The following UNC5C variants were observed in gnomAD, a reference collection of about 807,000 sequenced individuals.
UNC5C encodes unc-5 netrin receptor C.
In UNC5C, 47 loss-of-function variants were observed where a neutral mutation model predicts 99.8. That is an observed-to-expected ratio of 0.47 (90% confidence interval 0.37 to 0.60). UNC5C has a LOEUF of 0.60. UNC5C is among the 20% of genes least tolerant of loss of function. The probability of loss-of-function intolerance (pLI) is 0.00; values close to 1 mark genes in which losing one functional copy is unlikely to be tolerated. For synonymous variants in UNC5C, 487 were observed against 452.2 expected (o/e 1.08, Z -0.98); for missense variants, 1,062 against 1,165.9 (o/e 0.91, Z 1.30).
chr4:95,338,746 C>A (rs1399896103), intron 1 of UNC5C, among the ~76,000 whole-genome samples: 1 of 152,044 alleles, frequency 6.6e-6, no homozygotes. Flanking sequence ...ATACTAATGG[C>A]AACTTTGATC....
At chr4:95,251,353 C>A (rs1180888188) in intron 4 of UNC5C, among the ~76,000 whole-genome samples, 1 of 152,140 alleles carries the variant, frequency 6.6e-6, no homozygotes, top group Non-Finnish European at 1.5e-5. Context: ...ACTCAAATCC[C>A]TCCTTTTGTA....
intron 1 of UNC5C, among the ~76,000 whole-genome samples, chr4:95,512,723 A>G (rs1436029757): frequency 1.3e-5 from 2 of 152,204 alleles, no homozygotes; most frequent in Admixed American, 1.3e-4. Context: ...TAGCTGTGAT[A>G]AATTAGATTT....
At chr4:95,499,677 C>A (rs952291908) in intron 1 of UNC5C, among the ~76,000 whole-genome samples, 1 of 152,058 alleles carries the variant, frequency 6.6e-6, no homozygotes, top group Non-Finnish European at 1.5e-5. Flanking sequence ...GAAACCTAAA[C>A]CCCTTCAGTC....
At chr4:95,454,951 G>A (rs913903601) in intron 1 of UNC5C, among the ~76,000 whole-genome samples, 2 of 151,888 alleles carry the variant, frequency 1.3e-5, no homozygotes, top group African/African-American at 4.8e-5. Flanking sequence ...ACATTAAGAG[G>A]TATATATTTA....
At chr4:95,538,214 G>A (rs548089417) in intron 1 of UNC5C, among the ~76,000 whole-genome samples, 1 of 152,324 alleles carries the variant, frequency 6.6e-6, no homozygotes, top group African/African-American at 2.4e-5. Context: ...TGCATTATAT[G>A]AAAAAATTCC....
chr4:95,169,282 C>T lies in UNC5C; in HGVS notation c.2748G>A (p.Met916Ile). 1.2e-6 allele frequency: 2 copies of T among 1,614,160 alleles called. No homozygotes were observed. The highest frequency in any genetic ancestry group is 1.7e-6 in the Non-Finnish European group (2 of 1,180,036). The change falls in exon 16 of 16, where the codon ATG becomes ATA. Residue 916 changes from methionine (M) to isoleucine (I), a missense_variant. Physicochemically the swap from Met to Ile is conservative, Grantham distance 10 (BLOSUM62 1). Coordinates refer to ENST00000453304, the MANE Select transcript of UNC5C (RefSeq NM_003728.4). ...AGGACACCACCGTTTCATGTCTTCCCATTTCTTCCAAGACAGCTGCCAGCA... is the reference window on the plus strand; with the variant it reads ...AGGACACCACCGTTTCATGTCTTCCTATTTCTTCCAAGACAGCTGCCAGCA... ...LSMLAAVLEE[M>I]GRHETVVSLA...
At chr4:95,399,602 A>G (rs1446168202) in intron 1 of UNC5C, among the ~76,000 whole-genome samples, 6 of 152,174 alleles carry the variant, frequency 3.9e-5, no homozygotes, top group Non-Finnish European at 1.5e-5. Flanking sequence ...TTTCTCCGAA[A>G]GACCTAATTG....
At chr4:95,448,668 C>A (rs1369577086) in intron 1 of UNC5C, among the ~76,000 whole-genome samples, 1 of 152,044 alleles carries the variant, frequency 6.6e-6, no homozygotes, top group African/African-American at 2.4e-5. Context: ...CACGTATGTT[C>A]CTTTAATAAA....
At chr4:95,464,282 T>C (rs1292104039) in intron 1 of UNC5C, among the ~76,000 whole-genome samples, 2 of 152,134 alleles carry the variant, frequency 1.3e-5, no homozygotes, top group East Asian at 3.9e-4. Flanking sequence ...CTGGGAGGAG[T>C]TGGAACAAGA....
intron 1 of UNC5C, among the ~76,000 whole-genome samples, chr4:95,458,478 A>G (rs1271681509): frequency 3.3e-5 from 5 of 151,648 alleles, no homozygotes; most frequent in Non-Finnish European, 5.9e-5. Context: ...TGTCTTTTCC[A>G]TCTCTTTTTT....
intron 1 of UNC5C, among the ~76,000 whole-genome samples, chr4:95,354,635 C>T: frequency 6.6e-6 from 1 of 151,696 alleles, no homozygotes; most frequent in Admixed American, 6.6e-5. Context: ...GCATGCACCA[C>T]TATGCCTGGC....
At chr4:95,466,486 C>A (rs987122823) in intron 1 of UNC5C, among the ~76,000 whole-genome samples, 1 of 152,178 alleles carries the variant, frequency 6.6e-6, no homozygotes, top group South Asian at 2.1e-4. Flanking sequence ...CCCTCAATTC[C>A]ATTTTCCCCT....
intron 2 of UNC5C, among the ~76,000 whole-genome samples, chr4:95,314,749 T>C (rs2149409872): frequency 6.6e-6 from 1 of 152,334 alleles, no homozygotes; most frequent in African/African-American, 2.4e-5. Context: ...GATGTCACTT[T>C]TCTGTGGTTT....
intron 1 of UNC5C, among the ~76,000 whole-genome samples, chr4:95,474,418 G>A (rs538670505): frequency 6.6e-6 from 1 of 152,130 alleles, no homozygotes; most frequent in African/African-American, 2.4e-5. Context: ...AGCCTCCCAA[G>A]TAGCTAGGAT....
chr4:95,196,206 C>G (rs1435231459), intron 12 of UNC5C, among the ~76,000 whole-genome samples: 1 of 152,090 alleles, frequency 6.6e-6, no homozygotes, highest in Admixed American at 6.6e-5. Context: ...TCTATTTATA[C>G]TAGGATTTAA....
chr4:95,409,837 C>T (rs147043599), intron 1 of UNC5C, among the ~76,000 whole-genome samples: 1 of 152,202 alleles, frequency 6.6e-6, no homozygotes, highest in Non-Finnish European at 1.5e-5. Flanking sequence ...CCTCACCTGT[C>T]ACAAGAGGCT....
chr4:95,283,336 AAATTTTATCT>A (rs1386757053), intron 3 of UNC5C, among the ~76,000 whole-genome samples: 1 of 152,202 alleles, frequency 6.6e-6, no homozygotes, highest in African/African-American at 2.4e-5. Context: ...AGCTCTATGT[AAATTTTATCT>A]AATTTCTAGA....
At chr4:95,353,341 T>C (rs557878455) in intron 1 of UNC5C, among the ~76,000 whole-genome samples, 146 of 152,190 alleles carry the variant, frequency 9.6e-4, no homozygotes, top group Non-Finnish European at 1.8e-3. Context: ...TCCCCATGGA[T>C]AGATTATATA....
intron 4 of UNC5C, among the ~76,000 whole-genome samples, chr4:95,251,586 A>G (rs1453162785): frequency 1.3e-5 from 2 of 152,208 alleles, no homozygotes; most frequent in East Asian, 1.9e-4. Context: ...TTGTTTTTCT[A>G]TGCACAGTTT....
Sources: allele counts gnomAD v4.1 joint callset (sites outside exome capture counted in the v4.1 genomes callset), GRCh38; gene constraint gnomAD v4.1.1; transcripts MANE v1.5; gene names NCBI Gene and HGNC (gene_info 2026-07-23, HGNC 2026-07-21).